ARHGAP12: variants seen among roughly 807,000 people sequenced by gnomAD.
The protein encoded by ARHGAP12 is Rho GTPase activating protein 12.
A neutral mutation model predicts 108.6 loss-of-function variants in ARHGAP12; 64 were observed. That is an observed-to-expected ratio of 0.59 (90% CI 0.48 to 0.73). The LOEUF (loss-of-function observed/expected upper bound fraction) is 0.73, where lower values mean the gene tolerates loss of function less well. Among genes scored for constraint, ARHGAP12 ranks in the 30% least tolerant of loss-of-function variants. ARHGAP12 has a pLI of 0.00. For synonymous variants in ARHGAP12, 312 were observed against 337.2 expected, an observed-to-expected ratio of 0.93 and a Z score of 0.82; for missense variants, 940 against 1,005.9, an observed-to-expected ratio of 0.93 and a Z score of 0.89.
intron 5 of ARHGAP12, among the ~76,000 whole-genome samples, chr10:31,852,900 GT>G (rs1295340602): frequency 1.3e-5 from 2 of 151,692 alleles, no homozygotes; most frequent in East Asian, 1.9e-4. Flanking sequence ...CTAATTTTGT[GT>G]TTTTTTAGTA....
chr10:31,811,938 A>G (rs889109619), intron 15 of ARHGAP12, among the ~76,000 whole-genome samples: 7 of 152,164 alleles, frequency 4.6e-5, no homozygotes, highest in African/African-American at 1.4e-4. Context: ...TACAGATGTG[A>G]GCCACTGCAC....
chr10:31,858,330 A>G (rs1836964665), intron 4 of ARHGAP12, among the ~76,000 whole-genome samples: 1 of 152,366 alleles, frequency 6.6e-6, no homozygotes, highest in African/African-American at 2.4e-5. Flanking sequence ...GAAATACAAC[A>G]TATGACAGCA....
intron 10 of ARHGAP12, among the ~76,000 whole-genome samples, chr10:31,829,976 T>C (rs1377172316): frequency 2.0e-5 from 3 of 151,566 alleles, no homozygotes; most frequent in East Asian, 3.9e-4. Flanking sequence ...TGAAAATTCA[T>C]CTGTTTTCCA....
chr10:31,853,657 T>C (rs1177405299), intron 5 of ARHGAP12, among the ~76,000 whole-genome samples: 6 of 152,128 alleles, frequency 3.9e-5, no homozygotes, highest in Admixed American at 6.5e-5. Flanking sequence ...AAATACTAGA[T>C]TGATGGTTTT....
chr10:31,908,136 T>G (rs781195041), intron 3 of ARHGAP12, 36 bp downstream of exon 3: 1 of 1,502,964 alleles, frequency 6.7e-7, no homozygotes, highest in South Asian at 1.3e-5. Context: ...TTCACTAGGG[T>G]GGTACAGTGT....
Position 31,908,612 on chromosome 10 carries a change from T to C in ARHGAP12, c.244A>G (p.Lys82Glu). The C allele has an allele frequency of 6.2e-7, 1 of 1,614,214 alleles. No individual in the cohort carries two copies. The highest frequency in any genetic ancestry group is 8.5e-7 in the Non-Finnish European group (1 of 1,180,034). Reference sequence around the variant, plus strand: ...TTATTTGGCAGACCAGCTACCTGCTTAACAGGTGGCATGAGAGCTTTGCGC... The same window carrying C: ...TTATTTGGCAGACCAGCTACCTGCTCAACAGGTGGCATGAGAGCTTTGCGC... ...VTRKALMPPVKQVAGLPNNST... is the reference protein window; with the variant it reads ...VTRKALMPPVEQVAGLPNNST... Residue 82 changes from lysine to glutamate, a missense_variant, in exon 3 of 20, where the codon AAG becomes GAG. Lys to Glu is a moderately conservative substitution (Grantham distance 56, BLOSUM62 1). Transcript: ENST00000344936.
intron 9 of ARHGAP12, among the ~76,000 whole-genome samples, chr10:31,835,995 T>C (rs913428762): frequency 1.3e-5 from 2 of 152,204 alleles, no homozygotes; most frequent in African/African-American, 4.8e-5. Flanking sequence ...TACTGGTTAA[T>C]TTTATGTTAC....
At chr10:31,871,035 G>A (rs1024954423) in intron 3 of ARHGAP12, among the ~76,000 whole-genome samples, 13 of 152,340 alleles carry the variant, frequency 8.5e-5, no homozygotes, top group Middle Eastern at 3.4e-3. Context: ...GCAGAGAGAA[G>A]TGTACAGGAT....
At chr10:31,897,957 C>G (rs188222674) in intron 3 of ARHGAP12, among the ~76,000 whole-genome samples, 25 of 152,228 alleles carry the variant, frequency 1.6e-4, no homozygotes, top group African/African-American at 5.5e-4. Context: ...AAAATCCCAT[C>G]TCTACAAAAA....
At chr10:31,901,534 C>CAAAAAAAAAAAAAA (rs61402251) in intron 3 of ARHGAP12, among the ~76,000 whole-genome samples, 1 of 64,280 alleles carries the variant, frequency 1.6e-5, no homozygotes, top group African/African-American at 6.0e-5. Context: ...AACCTGGTCT[C>CAAAAAAAAAAAAAA]AAAAAAAAAA....
intron 3 of ARHGAP12, among the ~76,000 whole-genome samples, chr10:31,901,585 A>G (rs956188295): frequency 2.0e-5 from 3 of 151,052 alleles, no homozygotes; most frequent in Non-Finnish European, 4.4e-5. Flanking sequence ...TTAAACCAGG[A>G]TGAAGGAAAA....
chr10:31,860,235 G>A (rs1368776879), intron 4 of ARHGAP12, among the ~76,000 whole-genome samples: 1 of 152,190 alleles, frequency 6.6e-6, no homozygotes, highest in Non-Finnish European at 1.5e-5. Flanking sequence ...TTGGGAGTCT[G>A]CTAAATACAA....
In ARHGAP12 at chr10:31,806,334, C is replaced by T. The variant is rs769254887; in HGVS notation, c.*1324G>A. 5.9e-5 allele frequency: 9 copies of T among 152,588 alleles called. No individual in the cohort carries two copies. Among genetic ancestry groups the T allele is most frequent in the Non-Finnish European group, 1.2e-4 (8 of 68,018 alleles). 9.5% of individuals were successfully genotyped at this position (152,588 alleles called of 1,614,324 possible). The stretch of plus-strand genomic sequence containing the variant: ...CTAAACCTCTTATAGTTTTATTAGA[C>T]ATTTCATGTACAGAAGTTAATCTAG... On this transcript the variant is annotated 3_prime_UTR_variant, in exon 20 of 20. Coordinates refer to ENST00000344936, the MANE Select transcript of ARHGAP12 (RefSeq NM_018287.7).
intron 7 of ARHGAP12, among the ~76,000 whole-genome samples, chr10:31,842,931 A>AAATTAAAAT (rs1209157395): frequency 6.6e-6 from 1 of 152,128 alleles, no homozygotes; most frequent in African/African-American, 2.4e-5. Flanking sequence ...AACAGAGGAC[A>AAATTAAAAT]TTACTCCTCA....
intron 11 of ARHGAP12, among the ~76,000 whole-genome samples, chr10:31,825,053 C>A (rs954948568): frequency 6.6e-6 from 1 of 152,080 alleles, no homozygotes; most frequent in Non-Finnish European, 1.5e-5. Flanking sequence ...AATTTCAACC[C>A]TTTCACAGGT....
At chr10:31,860,845 C>A (rs1457776210) in intron 4 of ARHGAP12, among the ~76,000 whole-genome samples, 9 of 152,142 alleles carry the variant, frequency 5.9e-5, no homozygotes, top group Admixed American at 5.9e-4. Context: ...CTTTGGGAGG[C>A]TGAGACAGGG....
At chr10:31,877,904 G>A (rs901651577) in intron 3 of ARHGAP12, among the ~76,000 whole-genome samples, 38 of 152,184 alleles carry the variant, frequency 2.5e-4, no homozygotes, top group Middle Eastern at 6.8e-3. Flanking sequence ...CCAGCCTGGG[G>A]AACGTGGAGA....
At chr10:31,820,014 G>A (rs1240225448) in intron 12 of ARHGAP12, among the ~76,000 whole-genome samples, 1 of 150,850 alleles carries the variant, frequency 6.6e-6, no homozygotes, top group Non-Finnish European at 1.5e-5. Flanking sequence ...AAATTGAGAA[G>A]AAGATATAGA....
At position 31,872,322 on chromosome 10, in the gene ARHGAP12, C is replaced by G. The variant is rs182624118; in HGVS notation, c.685-10664G>C. Among the ~76,000 whole-genome samples the G allele has an allele frequency of 1.3e-4, 20 of 152,242 alleles. No homozygotes were observed. The East Asian group carries it at 3.5e-3, about 26-fold the overall frequency. Reference sequence around the variant, plus strand: ...AAACACCCTCCTCTCCCCGAGCTACCGACATGTATTCTGAAAGACCTACCA... The same window carrying G: ...AAACACCCTCCTCTCCCCGAGCTACGGACATGTATTCTGAAAGACCTACCA... On this transcript the variant is annotated intron_variant, in intron 3 of 19. Coordinates refer to ENST00000344936, the MANE Select transcript of ARHGAP12 (RefSeq NM_018287.7).
Sources: allele counts gnomAD v4.1 joint callset (sites outside exome capture counted in the v4.1 genomes callset), GRCh38; gene constraint gnomAD v4.1.1; transcripts MANE v1.5; gene names NCBI Gene and HGNC (gene_info 2026-07-23, HGNC 2026-07-21).